CRB1: variants seen among roughly 807,000 people sequenced by gnomAD.
CRB1 encodes protein crumbs homolog 1.
A neutral mutation model predicts 120.0 loss-of-function variants in CRB1; 83 were observed. The ratio of observed to expected loss-of-function variants is 0.69; its 90% CI spans 0.58 to 0.83. The LOEUF is 0.83. Ranked by LOEUF, CRB1 falls within the 40% of genes least tolerant of loss-of-function variation. The pLI, the probability that CRB1 is intolerant of heterozygous loss-of-function variation, is 0.00. For synonymous variants in CRB1, 625 were observed against 612.5 expected, an observed-to-expected ratio of 1.02 and a Z score of -0.30; for missense variants, 1,699 against 1,687.6, an observed-to-expected ratio of 1.01 and a Z score of -0.12.
intron 1 of CRB1, among the ~76,000 whole-genome samples, chr1:197,297,636 A>G (rs1445282930): frequency 6.6e-6 from 1 of 152,112 alleles, no homozygotes; most frequent in Non-Finnish European, 1.5e-5. Context: ...CTTGGGGGAT[A>G]TCAATCTATA....
At position 197,347,493 on chromosome 1, in the gene CRB1, TACCTTCC is replaced by T. The variant is rs754125994; in HGVS notation, c.988+18_988+24del. On this transcript the variant is annotated intron_variant, in intron 4 of 11. Transcript: ENST00000367400. Reference sequence around the variant, plus strand: ...ACTGCTGGCCTGGTGAGTGACAAAATACCTTCCACCAATTATTTTTCATTTGTTTAGA... The same window carrying T: ...ACTGCTGGCCTGGTGAGTGACAAAATACCAATTATTTTTCATTTGTTTAGA... 3.7e-6 allele frequency: 6 copies of T among 1,613,328 alleles called. No individual in the cohort carries two copies. The African/African-American group carries it at 8.0e-5, about 21-fold the overall frequency.
At chr1:197,419,997 A>C (rs1462808084) in intron 5 of CRB1, among the ~76,000 whole-genome samples, 2 of 78,354 alleles carry the variant, frequency 2.6e-5, no homozygotes, top group Non-Finnish European at 3.9e-5. Context: ...GAAAAAAAAA[A>C]AACAAACAAA....
rs2125502060 is a variant in CRB1, at chr1:197,436,044, T to C, written c.3749+432T>C. 1.3e-5 allele frequency among the ~76,000 whole-genome samples: 2 copies of C among 152,260 alleles called. 1 individual carries two copies. The highest frequency in any genetic ancestry group is 4.1e-4 in the South Asian group (2 of 4,824). ...ACTCTAAAATCCCGAAAACAGTACA[T>C]TAAAGTATACAGCTGACTCTTGAAC... On this transcript the variant is annotated intron_variant, in intron 9 of 11. Transcript: ENST00000367400.
chr1:197,421,006 A>T lies in CRB1; in HGVS notation c.1178A>T (p.His393Leu). 1 of 1,556,862 alleles carries T rather than the reference A, an allele frequency of 6.4e-7. No individual in the cohort carries two copies. Among genetic ancestry groups the T allele is most frequent in the Non-Finnish European group, 8.9e-7 (1 of 1,127,830 alleles). ...CICQPGFTGIHCEEDVNECSS... is the reference protein window; with the variant it reads ...CICQPGFTGILCEEDVNECSS... The stretch of plus-strand genomic sequence containing the variant: ...CTTTTTTATTATTTAACAGGAATCC[A>T]CTGCGAAGAAGACGTCAATGAATGT... The change falls in exon 6 of 12, where the codon CAC becomes CTC. Residue 393 changes from histidine to leucine, a missense_variant. Physicochemically the swap from His to Leu is moderately conservative, Grantham distance 99. Coordinates refer to ENST00000367400, the MANE Select transcript of CRB1 (RefSeq NM_201253.3).
chr1:197,245,067 CT>C, the CRB1 span, among the ~76,000 whole-genome samples: 209 of 150,990 alleles, frequency 1.4e-3, 1 homozygote, highest in African/African-American at 4.6e-3. Context: ...CTTTCTATTT[CT>C]TTTTTTTTGT....
intron 5 of CRB1, among the ~76,000 whole-genome samples, chr1:197,367,481 A>G (rs987627360): frequency 6.6e-6 from 1 of 152,170 alleles, no homozygotes; most frequent in Non-Finnish European, 1.5e-5. Context: ...TTGAAGTACA[A>G]ATCAACGTTA....
intron 4 of CRB1, among the ~76,000 whole-genome samples, chr1:197,351,751 AG>A (rs1333165620): frequency 1.3e-5 from 2 of 152,122 alleles, no homozygotes; most frequent in Non-Finnish European, 2.9e-5. Flanking sequence ...AGAGTCACAT[AG>A]GAGCTGGAAA....
intron 1 of CRB1, among the ~76,000 whole-genome samples, chr1:197,295,969 G>A (rs1034873193): frequency 8.7e-5 from 9 of 103,714 alleles, no homozygotes; most frequent in African/African-American, 3.2e-4. Context: ...ACTCTTCTAA[G>A]ATTTAAAAAA....
At chr1:197,476,991 A>G (rs1667225071) in intron 11 of CRB1, among the ~76,000 whole-genome samples, 3 of 152,094 alleles carry the variant, frequency 2.0e-5, no homozygotes, top group African/African-American at 7.2e-5. Flanking sequence ...AAAAATAACA[A>G]CTTTGAGAGC....
chr1:197,367,851 A>C (rs1436553013), intron 5 of CRB1, among the ~76,000 whole-genome samples: 2 of 152,180 alleles, frequency 1.3e-5, no homozygotes, highest in Admixed American at 1.3e-4. Flanking sequence ...GATCCTATGA[A>C]GTCCTGGCTT....
chr1:197,421,846 A>G lies in CRB1; in HGVS notation c.2018A>G (p.Lys673Arg), dbSNP rs145956521. The G allele has an allele frequency of 2.3e-5, 37 of 1,614,258 alleles. 1 individual carries two copies. In the African/African-American group the frequency reaches 4.7e-4, roughly 20 times the overall value. ...AATGTCAAGGCAGGCTGTGTGAGAA[A>G]GGATTGGTGTGAAAGCCAACCTTGT... ...SLNVKAGCVR[K>R]DWCESQPCQS... The change falls in exon 6 of 12, where the codon AAG (lysine) becomes AGG (arginine). Residue 673 changes from lysine to arginine, a missense_variant. Coordinates refer to ENST00000367400, the MANE Select transcript of CRB1 (RefSeq NM_201253.3).
the CRB1 span, among the ~76,000 whole-genome samples, chr1:197,206,931 TG>T: frequency 2.0e-5 from 3 of 152,186 alleles, no homozygotes; most frequent in Admixed American, 6.5e-5. Context: ...ATTAGGTGTA[TG>T]TATATTTAGG....
intron 1 of CRB1, among the ~76,000 whole-genome samples, chr1:197,294,225 C>T (rs551844949): frequency 6.6e-6 from 1 of 152,058 alleles, no homozygotes; most frequent in East Asian, 1.9e-4. Context: ...AAGAAAAAAT[C>T]AAACAACCCC....
chr1:197,336,674 T>C (rs1293892258), intron 2 of CRB1, among the ~76,000 whole-genome samples: 3 of 152,210 alleles, frequency 2.0e-5, no homozygotes, highest in Non-Finnish European at 4.4e-5. Context: ...ATATTTGCAA[T>C]GCACTGGGCA....
intron 5 of CRB1, among the ~76,000 whole-genome samples, chr1:197,373,319 A>G (rs1369521576): frequency 6.6e-6 from 1 of 152,120 alleles, no homozygotes; most frequent in Non-Finnish European, 1.5e-5. Flanking sequence ...TGTCTTTATG[A>G]TCTAAGACCA....
At chr1:197,399,267 A>G (rs943323853) in intron 5 of CRB1, among the ~76,000 whole-genome samples, 10 of 152,160 alleles carry the variant, frequency 6.6e-5, no homozygotes, top group African/African-American at 2.4e-4. Flanking sequence ...CTTTAATGCA[A>G]CTGTTGATTA....
chr1:197,421,221 C>A lies in CRB1; in HGVS notation c.1393C>A (p.His465Asn). The change falls in exon 6 of 12, where the codon CAT (histidine) becomes AAT (asparagine). Residue 465 changes from histidine (H) to asparagine (N), a missense_variant. His to Asn is a moderately conservative substitution (Grantham distance 68, BLOSUM62 1). Coordinates refer to ENST00000367400, the MANE Select transcript of CRB1 (RefSeq NM_201253.3). Reference sequence around the variant, plus strand: ...CATCCCTCACTTCCAAGATGGCCAGCATGGATTCAGCTGCCTATGTCCATC... The same window carrying A: ...CATCCCTCACTTCCAAGATGGCCAGAATGGATTCAGCTGCCTATGTCCATC... The part of the protein sequence containing the change: ...TCIPHFQDGQ[H>N]GFSCLCPSGY... The A allele has an allele frequency of 6.2e-7, 1 of 1,614,202 alleles. No homozygotes were observed. Among genetic ancestry groups the A allele is most frequent in the Non-Finnish European group, 8.5e-7 (1 of 1,180,026 alleles).
chr1:197,297,779 A>G (rs1234669697), intron 1 of CRB1, among the ~76,000 whole-genome samples: 1 of 152,122 alleles, frequency 6.6e-6, no homozygotes, highest in Non-Finnish European at 1.5e-5. Context: ...AGCCTATAGA[A>G]CTTAGAGGGG....
the CRB1 span, among the ~76,000 whole-genome samples, chr1:197,212,817 C>G: frequency 1.3e-5 from 2 of 151,576 alleles, no homozygotes; most frequent in African/African-American, 4.8e-5. Flanking sequence ...CACAATGAAA[C>G]AAAACAATAG....
Sources: gnomAD v4.1 joint callset for allele counts (sites outside exome capture counted in the v4.1 genomes callset) on GRCh38, gnomAD v4.1.1 for gene constraint, MANE v1.5 for transcripts, NCBI Gene and HGNC (gene_info 2026-07-23, HGNC 2026-07-21) for gene names.